Variants in ZNG1B observed in about 807,000 individuals in gnomAD.
The protein encoded by ZNG1B is zinc-regulated GTPase metalloprotein activator 1B.
the ZNG1B span, among the ~76,000 whole-genome samples, chr2:113,451,248 G>A: frequency 0.26 from 35,316 of 138,168 alleles, 4,110 homozygotes; most frequent in East Asian, 0.49. Context: ...TTGGAGGTAG[G>A]GGTAGAGTTG....
At chr2:113,458,175 A>G in the ZNG1B span, among the ~76,000 whole-genome samples, 22 of 152,024 alleles carry the variant, frequency 1.4e-4, no homozygotes, top group South Asian at 8.3e-4. Context: ...GTTTTATTTT[A>G]TAAATGAAAG....
chr2:113,445,608 C>G, the ZNG1B span: 1 of 148,798 alleles, frequency 6.7e-6, no homozygotes, highest in African/African-American at 2.5e-5. Flanking sequence ...ACTCTGAACT[C>G]TACTATGGAA....
At chr2:113,437,895 TGAG>T in the ZNG1B span, 2 of 1,611,912 alleles carry the variant, frequency 1.2e-6, no homozygotes, top group African/African-American at 1.3e-5. Context: ...GATCTGCGGA[TGAG>T]GAGGAGGATC....
the ZNG1B span, among the ~76,000 whole-genome samples, chr2:113,486,016 G>GA: frequency 5.8e-5 from 8 of 137,212 alleles, no homozygotes; most frequent in South Asian, 2.4e-4. Context: ...ACAAAAACTG[G>GA]AAAAAAAAAG....
chr2:113,450,449 T>C, the ZNG1B span, among the ~76,000 whole-genome samples: 1 of 150,550 alleles, frequency 6.6e-6, no homozygotes, highest in Non-Finnish European at 1.5e-5. Flanking sequence ...GTTAAGTCAT[T>C]GTGTTATATA....
At chr2:113,460,643 G>C in the ZNG1B span, 27 of 1,587,936 alleles carry the variant, frequency 1.7e-5, no homozygotes, top group Middle Eastern at 2.3e-4. Flanking sequence ...TTGTATTATA[G>C]TAACTTTATT....
chr2:113,454,992 AT>A, the ZNG1B span, among the ~76,000 whole-genome samples: 9 of 151,932 alleles, frequency 5.9e-5, no homozygotes, highest in Non-Finnish European at 8.8e-5. Context: ...TGGTGATAAA[AT>A]TTGGAATTAT....
At chr2:113,445,134 A>G in the ZNG1B span, 1 of 1,557,462 alleles carries the variant, frequency 6.4e-7, no homozygotes, top group Non-Finnish European at 8.7e-7. Flanking sequence ...AATATCTAAC[A>G]TGAGGATTAA....
chr2:113,446,776 ACACAC>A, the ZNG1B span, among the ~76,000 whole-genome samples: 3 of 81,428 alleles, frequency 3.7e-5, no homozygotes, highest in Non-Finnish European at 7.1e-5. Context: ...GCACACGCAC[ACACAC>A]ACACACACAC....
the ZNG1B span, among the ~76,000 whole-genome samples, chr2:113,476,438 T>C: frequency 1.3e-5 from 2 of 150,186 alleles, no homozygotes; most frequent in African/African-American, 2.5e-5. Flanking sequence ...GGTTTGAATG[T>C]CCTCCCATAG....
chr2:113,471,430 C>T, the ZNG1B span, among the ~76,000 whole-genome samples: 29 of 151,564 alleles, frequency 1.9e-4, no homozygotes, highest in Non-Finnish European at 3.1e-4. Context: ...AAATAACTCT[C>T]TTCACTTTAT....
the ZNG1B span, chr2:113,445,449 T>C: frequency 5.1e-6 from 1 of 195,082 alleles, no homozygotes. Context: ...TCAAGTCCCT[T>C]ACATAAAATG....
chr2:113,462,804 A>G, the ZNG1B span: 9 of 453,518 alleles, frequency 2.0e-5, no homozygotes, highest in Admixed American at 1.2e-4. Flanking sequence ...TTTACCCAGG[A>G]TGGTTAATTC....
At chr2:113,486,015 G>A in the ZNG1B span, among the ~76,000 whole-genome samples, 3 of 139,310 alleles carry the variant, frequency 2.2e-5, no homozygotes, top group Non-Finnish European at 4.6e-5. Context: ...AACAAAAACT[G>A]GAAAAAAAAA....
the ZNG1B span, among the ~76,000 whole-genome samples, chr2:113,477,242 C>T: frequency 3.7e-4 from 57 of 152,286 alleles, no homozygotes; most frequent in South Asian, 1.0e-3. Flanking sequence ...TTAAGCCCGT[C>T]GGAAAAGCGC....
chr2:113,477,214 C>A, the ZNG1B span, among the ~76,000 whole-genome samples: 2 of 152,226 alleles, frequency 1.3e-5, no homozygotes, highest in African/African-American at 4.8e-5. Flanking sequence ...GGGATATAAT[C>A]TCGTGGTGCG....
chr2:113,462,223 A>G, the ZNG1B span, among the ~76,000 whole-genome samples: 1 of 152,254 alleles, frequency 6.6e-6, no homozygotes, highest in South Asian at 2.1e-4. Flanking sequence ...ACATTGAACA[A>G]TTAGCGGATT....
chr2:113,477,429 A>G, the ZNG1B span, among the ~76,000 whole-genome samples: 1 of 151,980 alleles, frequency 6.6e-6, no homozygotes, highest in African/African-American at 2.4e-5. Context: ...GGCACTCCCT[A>G]GTGAGATGAA....
At chr2:113,447,926 A>C in the ZNG1B span, 1 of 440,076 alleles carries the variant, frequency 2.3e-6, no homozygotes, top group South Asian at 1.6e-5. Context: ...GAATCCCTCA[A>C]AGTCATCTGT....
Sources: allele counts gnomAD v4.1 joint callset (sites outside exome capture counted in the v4.1 genomes callset), GRCh38; gene constraint gnomAD v4.1.1; transcripts MANE v1.5; gene names NCBI Gene and HGNC (gene_info 2026-07-23, HGNC 2026-07-21).